AGBL1: variants seen among roughly 807,000 people sequenced by gnomAD.
The protein encoded by AGBL1 is cytosolic carboxypeptidase 4.
AGBL1 carries 130 observed loss-of-function variants against 118.9 expected under a neutral mutation model. That is an observed-to-expected ratio of 1.09 (90% CI 0.95 to 1.26). AGBL1 has a LOEUF of 1.26. AGBL1 is among the 50% of genes most tolerant of loss of function. The probability of loss-of-function intolerance (pLI) is 0.00; values close to 1 mark genes in which losing one functional copy is unlikely to be tolerated. For missense variants in AGBL1, 1,584 were observed against 1,298.1 expected, an observed-to-expected ratio of 1.22 and a Z score of -3.38; for synonymous variants, 555 against 478.9, an observed-to-expected ratio of 1.16 and a Z score of -2.08.
At chr15:86,316,326 C>T (rs576146982) in intron 17 of AGBL1, among the ~76,000 whole-genome samples, 1 of 152,104 alleles carries the variant, frequency 6.6e-6, no homozygotes, top group South Asian at 2.1e-4. Flanking sequence ...TTGAGCTGTG[C>T]TTGATTCATT....
intron 22 of AGBL1, among the ~76,000 whole-genome samples, chr15:86,714,749 G>T (rs1228343804): frequency 6.6e-6 from 1 of 152,048 alleles, no homozygotes; most frequent in Admixed American, 6.6e-5. Context: ...GCTTCCTGAT[G>T]CTTCTAGGCT....
chr15:86,325,760 A>G (rs2080174645), intron 17 of AGBL1, among the ~76,000 whole-genome samples: 2 of 152,156 alleles, frequency 1.3e-5, no homozygotes, highest in Non-Finnish European at 2.9e-5. Flanking sequence ...ATTGGACTAT[A>G]CTGGAAATAT....
chr15:86,479,830 C>A (rs2082624715), intron 18 of AGBL1, among the ~76,000 whole-genome samples: 1 of 152,120 alleles, frequency 6.6e-6, no homozygotes, highest in Non-Finnish European at 1.5e-5. Context: ...GACTTGGAAC[C>A]AACCCAAATG....
At chr15:86,194,832 A>T (rs772454446) in intron 5 of AGBL1, among the ~76,000 whole-genome samples, 3 of 152,196 alleles carry the variant, frequency 2.0e-5, no homozygotes, top group Non-Finnish European at 4.4e-5. Flanking sequence ...CTAGACCTGA[A>T]TAAGCTAGCA....
chr15:86,519,433 T>C (rs574724189), intron 18 of AGBL1, among the ~76,000 whole-genome samples: 1 of 152,222 alleles, frequency 6.6e-6, no homozygotes, highest in African/African-American at 2.4e-5. Flanking sequence ...TAAGATAGGG[T>C]GCATTTCATC....
intron 18 of AGBL1, among the ~76,000 whole-genome samples, chr15:86,507,332 TATACTC>T (rs1175727117): frequency 1.3e-5 from 2 of 152,116 alleles, no homozygotes; most frequent in African/African-American, 4.8e-5. Context: ...AAAAGGAAAA[TATACTC>T]AGACCATAAA....
At chr15:87,004,190 A>G (rs2081472201) in intron 24 of AGBL1, among the ~76,000 whole-genome samples, 2 of 152,178 alleles carry the variant, frequency 1.3e-5, no homozygotes, top group African/African-American at 4.8e-5. Context: ...GGTTTCAAAG[A>G]ACATCTTTAT....
At chr15:86,418,285 A>G (rs1194573462) in intron 18 of AGBL1, among the ~76,000 whole-genome samples, 1 of 152,190 alleles carries the variant, frequency 6.6e-6, no homozygotes, top group African/African-American at 2.4e-5. Flanking sequence ...TTTCTAATCT[A>G]TTTTAGTGCT....
intron 23 of AGBL1, chr15:86,946,355 C>T (rs1432648652): frequency 6.6e-6 from 1 of 151,954 alleles, no homozygotes; most frequent in Admixed American, 6.6e-5. Flanking sequence ...GAATACTTCA[C>T]TGAGCTTAAG....
At chr15:86,826,813 T>C (rs1290018386) in intron 22 of AGBL1, among the ~76,000 whole-genome samples, 1 of 151,946 alleles carries the variant, frequency 6.6e-6, no homozygotes, top group African/African-American at 2.4e-5. Flanking sequence ...ATGGAAATAA[T>C]CTCCCTAAGA....
intron 1 of AGBL1, among the ~76,000 whole-genome samples, chr15:86,086,536 A>G (rs1024646137): frequency 6.6e-6 from 1 of 152,206 alleles, no homozygotes; most frequent in South Asian, 2.1e-4. Context: ...GAACAAAAGA[A>G]TGAATATAAA....
chr15:86,411,277 C>G (rs889133704), intron 18 of AGBL1, among the ~76,000 whole-genome samples: 10 of 152,046 alleles, frequency 6.6e-5, no homozygotes, highest in African/African-American at 2.4e-4. Context: ...GACTGCCTCC[C>G]TGGGGTGGGT....
intron 22 of AGBL1, among the ~76,000 whole-genome samples, chr15:86,842,861 G>C (rs532971538): frequency 6.6e-6 from 1 of 152,200 alleles, no homozygotes; most frequent in African/African-American, 2.4e-5. Flanking sequence ...TCAGTCAGAG[G>C]TATAGTCTTC....
intron 23 of AGBL1, among the ~76,000 whole-genome samples, chr15:86,981,438 T>G (rs1194241524): frequency 6.6e-6 from 1 of 152,202 alleles, no homozygotes; most frequent in Non-Finnish European, 1.5e-5. Flanking sequence ...TAATTTGAAT[T>G]TCATTAATTA....
In AGBL1 at chr15:86,264,497, G is replaced by T. The variant is rs1486075485; in HGVS notation, c.1326G>T (p.Val442=). 4 of 1,614,014 alleles carry T rather than the reference G, an allele frequency of 2.5e-6. No individual in the cohort carries two copies. Among genetic ancestry groups the T allele is most frequent in the Non-Finnish European group, 2.5e-6 (3 of 1,179,896 alleles). The change falls in exon 11 of 23, where the codon GTG becomes GTT. Residue 442 remains valine (V), a synonymous_variant. Coordinates refer to ENST00000614907, the MANE Select transcript of AGBL1 (RefSeq NM_001386094.1). ...CTGGAGTGAACCTGTACCAAAATGT[G>T]CAATCCAATAGTCTCAGGAGAGATT... is the stretch of plus-strand genomic sequence containing the variant. ...KNPGVNLYQN[V]QSNSLRRDSS... is the part of the protein sequence containing the mutation.
At chr15:86,792,626 C>A (rs1008460217) in intron 22 of AGBL1, among the ~76,000 whole-genome samples, 2 of 152,004 alleles carry the variant, frequency 1.3e-5, no homozygotes, top group Non-Finnish European at 2.9e-5. Context: ...TGGCCTGCAC[C>A]TTTAAAATAA....
chr15:86,210,407 T>G (rs2078071851), intron 5 of AGBL1, among the ~76,000 whole-genome samples: 2 of 152,206 alleles, frequency 1.3e-5, no homozygotes, highest in East Asian at 3.9e-4. Context: ...TCCTGAAGAG[T>G]GTTTTCCAAC....
chr15:86,889,445 G>A (rs2080018864), intron 22 of AGBL1, among the ~76,000 whole-genome samples: 3 of 152,066 alleles, frequency 2.0e-5, no homozygotes, highest in African/African-American at 7.2e-5. Flanking sequence ...TTCTTACACA[G>A]GTGAACATGT....
chr15:86,433,266 C>CTTTTTTTTTTTTT lies in AGBL1; in HGVS notation c.2555+35735_2555+35747dup, dbSNP rs59417397. Among the ~76,000 whole-genome samples, 735 of 74,826 alleles carry CTTTTTTTTTTTTT rather than the reference C, an allele frequency of 9.8e-3. 153 individuals carry two copies. The highest frequency in any genetic ancestry group is 0.02 in the Middle Eastern group (2 of 100). The allele number at this position is 74,826 out of a possible 152,430, so 49.1% of individuals were successfully genotyped here. ...TCTCCTCCTCCTCCTCCTCCTTCTT[C>CTTTTTTTTTTTTT]TTTTTTTTTTTTTTTTTTTTTTTTT... On this transcript the variant is annotated intron_variant, in intron 18 of 22. Coordinates refer to ENST00000614907, the MANE Select transcript of AGBL1 (RefSeq NM_001386094.1).
Sources: gnomAD v4.1 joint callset for allele counts (sites outside exome capture counted in the v4.1 genomes callset) on GRCh38, gnomAD v4.1.1 for gene constraint, MANE v1.5 for transcripts, NCBI Gene and HGNC (gene_info 2026-07-23, HGNC 2026-07-21) for gene names.